MYO7B: variants seen among roughly 807,000 people sequenced by gnomAD.
The protein encoded by MYO7B is unconventional myosin-VIIb.
Under a neutral mutation model 259.7 loss-of-function variants are expected in MYO7B, and 212 were observed. The observed-to-expected ratio is 0.82, with a 90% CI of 0.73 to 0.91. MYO7B has a LOEUF of 0.91. Ranked by LOEUF, MYO7B falls within the 40% of genes least tolerant of loss-of-function variation. MYO7B has a pLI of 0.00. For synonymous variants in MYO7B, 1,197 were observed against 1,166.4 expected (o/e 1.03, Z -0.54); for missense variants, 2,732 against 2,813.5 (o/e 0.97, Z 0.66).
At position 127,633,117 on chromosome 2, in the gene MYO7B, C is replaced by A. The variant is rs546007649; in HGVS notation, c.5406-141C>A. 11 of 649,546 alleles carry A rather than the reference C, an allele frequency of 1.7e-5. No homozygotes were observed. In the East Asian group the frequency reaches 2.5e-4, roughly 15 times the overall value. The allele number at this position is 649,546 out of a possible 1,614,324, so 40.2% of individuals were successfully genotyped here. A position where few individuals can be genotyped will look rare whatever the true frequency, so the allele number is the denominator to read the frequency against. Reference sequence around the variant, plus strand: ...AGCCAGGGGCAGCCCCCAGGACATGCGAGGGGCTGGAACCACCCCAGTGAT... The same window carrying A: ...AGCCAGGGGCAGCCCCCAGGACATGAGAGGGGCTGGAACCACCCCAGTGAT... On this transcript the variant is annotated intron_variant, in intron 39 of 47. Coordinates refer to ENST00000409816, the MANE Select transcript of MYO7B (RefSeq NM_001393586.1).
chr2:127,637,367 G>A lies in MYO7B; in HGVS notation c.6379G>A (p.Ala2127Thr). 1 of 1,590,070 alleles carries A rather than the reference G, an allele frequency of 6.3e-7. No individual in the cohort carries two copies. The highest frequency in any genetic ancestry group is 8.6e-7 in the Non-Finnish European group (1 of 1,168,420). The change falls in exon 48 of 48, where the codon GCC becomes ACC. Residue 2127 changes from alanine to threonine, a missense_variant. Ala to Thr is a moderately conservative substitution (Grantham distance 58, BLOSUM62 0). Coordinates refer to ENST00000409816, the MANE Select transcript of MYO7B (RefSeq NM_001393586.1). ...LTSYVQQLLS[A>T]MNKQRGSKAP... Reference sequence around the variant, plus strand: ...CTCATATGTGCAGCAGCTCCTGAGTGCCATGAACAAGCAGCGGGGCTCCAA... The same window carrying A: ...CTCATATGTGCAGCAGCTCCTGAGTACCATGAACAAGCAGCGGGGCTCCAA...
Position 127,637,458 on chromosome 2 carries a change from C to G in MYO7B, c.*41C>G, listed in dbSNP as rs1244708848. ...TGTCTGCTCAGGCGCCCTTCCCGAC[C>G]TCTAGCCTGGCGGCACCTTCCCAGG... On this transcript the variant is annotated 3_prime_UTR_variant, in exon 48 of 48. Transcript: ENST00000409816. 7.0e-6 allele frequency: 10 copies of G among 1,422,422 alleles called. No individual in the cohort carries two copies. The South Asian group carries it at 1.5e-4, about 21-fold the overall frequency. 88.1% of individuals were successfully genotyped at this position (1,422,422 alleles called of 1,614,324 possible). A position where few individuals can be genotyped will look rare whatever the true frequency, so the allele number is the denominator to read the frequency against.
chr2:127,561,617 T>G (rs2104852651), intron 2 of MYO7B, among the ~76,000 whole-genome samples: 1 of 152,324 alleles, frequency 6.6e-6, no homozygotes, highest in South Asian at 2.1e-4. Context: ...CTGGACACTA[T>G]GCGGGGTCCC....
chr2:127,628,163 C>T lies in MYO7B; in HGVS notation c.4461-209C>T, dbSNP rs1381900910. 1 of 701,104 alleles carries T rather than the reference C, an allele frequency of 1.4e-6. No individual in the cohort carries two copies. Among genetic ancestry groups the T allele is most frequent in the East Asian group, 2.8e-5 (1 of 35,534 alleles). 43.4% of individuals were successfully genotyped at this position (701,104 alleles called of 1,614,324 possible). A position where few individuals can be genotyped will look rare whatever the true frequency, so the allele number is the denominator to read the frequency against. ...CAGCCAACCCCACACATGGGCTGCA[C>T]CACTCTCAGCCTCCGAGAGGTCCTG... On this transcript the variant is annotated intron_variant, in intron 33 of 47. Coordinates refer to ENST00000409816, the MANE Select transcript of MYO7B (RefSeq NM_001393586.1). The surrounding 1 kb of genome is among the most constrained non-coding windows in gnomAD (Gnocchi z 4.8).
chr2:127,568,332 A>G (rs924263127), intron 5 of MYO7B, among the ~76,000 whole-genome samples: 4 of 152,210 alleles, frequency 2.6e-5, no homozygotes, highest in African/African-American at 9.7e-5. Context: ...GAGCCCCCTG[A>G]TTTTGGTTCC....
At chr2:127,574,256 A>G (rs1473086882) in intron 7 of MYO7B, among the ~76,000 whole-genome samples, 194 bp downstream of exon 7, 3 of 152,182 alleles carry the variant, frequency 2.0e-5, no homozygotes, top group Non-Finnish European at 2.9e-5. Flanking sequence ...CATTTTGAGC[A>G]GGGCTTGGTG....
intron 1 of MYO7B, among the ~76,000 whole-genome samples, chr2:127,554,255 G>C (rs963688394): frequency 2.0e-5 from 3 of 151,988 alleles, no homozygotes; most frequent in African/African-American, 7.3e-5. Flanking sequence ...TGTATTTTTA[G>C]TAGAGACAGG....
chr2:127,622,570 G>A (rs894133269), intron 28 of MYO7B, among the ~76,000 whole-genome samples: 8 of 150,576 alleles, frequency 5.3e-5, no homozygotes, highest in East Asian at 2.0e-4. Flanking sequence ...CCAGGGTGGC[G>A]AGAGCACACC....
intron 28 of MYO7B, 74 bp from the exon 29 acceptor site, chr2:127,623,128 G>A (rs1345874403): frequency 3.9e-6 from 6 of 1,539,280 alleles, no homozygotes; most frequent in Non-Finnish European, 5.3e-6. Context: ...AGAGGAGGGA[G>A]GTAGTGGATG....
intron 1 of MYO7B, among the ~76,000 whole-genome samples, chr2:127,544,021 T>G (rs970712826): frequency 4.6e-5 from 7 of 152,134 alleles, no homozygotes; most frequent in Admixed American, 2.0e-4. Context: ...TCTGCCTGCC[T>G]CGGCCTCCCA....
chr2:127,571,442 G>GTTTTTTTTTTGTTTTTTTTTTT lies in MYO7B; in HGVS notation c.592+1542_592+1543insGTTTTTTTTTTTTTTTTTTTTT, dbSNP rs1553448471. 1.3e-3 allele frequency among the ~76,000 whole-genome samples: 56 copies of GTTTTTTTTTTGTTTTTTTTTTT among 41,950 alleles called. 2 individuals carry two copies. The highest frequency in any genetic ancestry group is 1.6e-3 in the Non-Finnish European group (34 of 21,890). 27.5% of individuals were successfully genotyped at this position (41,950 alleles called of 152,430 possible). ...AATTGGTCTATTTCCTTACCAGTGA[G>GTTTTTTTTTTGTTTTTTTTTTT]TTTTTTTTTTTTTTTTTGCTTGTTT... is the stretch of plus-strand genomic sequence containing the variant. On this transcript the variant is annotated intron_variant, in intron 6 of 47. Transcript: ENST00000409816.
At chr2:127,555,860 A>T (rs1194702373) in intron 1 of MYO7B, among the ~76,000 whole-genome samples, 1 of 152,222 alleles carries the variant, frequency 6.6e-6, no homozygotes, top group Admixed American at 6.5e-5. Flanking sequence ...GAGGAATAGA[A>T]TGTACATTCT....
Position 127,625,484 on chromosome 2 carries a change from G to T in MYO7B, c.4164G>T (p.Arg1388Ser). The T allele has an allele frequency of 6.2e-7, 1 of 1,611,662 alleles. No homozygotes were observed. Among genetic ancestry groups the T allele is most frequent in the South Asian group, 1.1e-5 (1 of 90,988 alleles). Residue 1388 changes from arginine to serine, a missense_variant, in exon 31 of 48, where the codon AGG becomes AGT. By Grantham distance (110) the Arg-to-Ser change is moderately radical. Coordinates refer to ENST00000409816, the MANE Select transcript of MYO7B (RefSeq NM_001393586.1). Reference protein sequence around the residue: ...LPSCIPHKLYRTKPPDRWASL... With the variant: ...LPSCIPHKLYSTKPPDRWASL... ...GCTGCATCCCCCACAAGCTGTACAG[G>T]ACCAAGCCCCCAGACAGGTGGGCGA... is the stretch of plus-strand genomic sequence containing the variant.
At chr2:127,578,905 A>G (rs1274550458) in intron 9 of MYO7B, among the ~76,000 whole-genome samples, 1 of 152,204 alleles carries the variant, frequency 6.6e-6, no homozygotes, top group Non-Finnish European at 1.5e-5. Context: ...TTTGCTCAAG[A>G]AAAGAAGCAG....
intron 26 of MYO7B, among the ~76,000 whole-genome samples, chr2:127,618,175 A>G (rs1461051065): frequency 6.6e-6 from 1 of 152,132 alleles, no homozygotes; most frequent in African/African-American, 2.4e-5. Flanking sequence ...ACTTGCAGCA[A>G]TTTGCCACTG....
chr2:127,560,735 A>T (rs1389084714), intron 2 of MYO7B, among the ~76,000 whole-genome samples: 2 of 152,172 alleles, frequency 1.3e-5, no homozygotes, highest in Admixed American at 1.3e-4. Flanking sequence ...TACAGAGTCC[A>T]GGAGAGCAGG....
At position 127,624,249 on chromosome 2, in the gene MYO7B, C is replaced by T; in HGVS notation, c.3976C>T (p.Pro1326Ser). The T allele has an allele frequency of 1.9e-6, 3 of 1,595,978 alleles. No homozygotes were observed. Among genetic ancestry groups the T allele is most frequent in the Non-Finnish European group, 2.6e-6 (3 of 1,172,074 alleles). The change falls in exon 30 of 48, where the codon CCT becomes TCT. Residue 1326 changes from proline to serine, a missense_variant. Coordinates refer to ENST00000409816, the MANE Select transcript of MYO7B (RefSeq NM_001393586.1). The part of the protein sequence containing the change: ...FTPWHDSRED[P>S]VSTELIYRQV... Reference sequence around the variant, plus strand: ...CCCCTGGCACGACTCCCGGGAGGACCCTGTCAGCACCGAGCTTATTTACCG... The same window carrying T: ...CCCCTGGCACGACTCCCGGGAGGACTCTGTCAGCACCGAGCTTATTTACCG...
At chr2:127,601,599 A>G (rs755496179) in intron 19 of MYO7B, among the ~76,000 whole-genome samples, 3 of 152,054 alleles carry the variant, frequency 2.0e-5, no homozygotes, top group Non-Finnish European at 2.9e-5. Context: ...AGTCTACTTT[A>G]TCTGGTATTA....
rs1290469787 is a variant in MYO7B, at chr2:127,559,741, G to T, written c.18+1G>T. The T allele has an allele frequency of 1.9e-6, 3 of 1,613,960 alleles. No homozygotes were observed. Among genetic ancestry groups the T allele is most frequent in the Non-Finnish European group, 2.5e-6 (3 of 1,179,864 alleles). On this transcript the variant is annotated splice_donor_variant, in intron 2 of 47. Transcript: ENST00000409816. LOFTEE classifies it high-confidence loss of function. This position sits in a 1 kb window ranked among gnomAD's most constrained non-coding sequence, Gnocchi z 4.1. ...ACTCAGGATGTCGGGGTTCAGGCTG[G>T]TAAGAATTGTATGATTTGATCTAGG...
Sources: allele counts gnomAD v4.1 joint callset (sites outside exome capture counted in the v4.1 genomes callset), GRCh38; gene constraint gnomAD v4.1.1; non-coding constraint Gnocchi (gnomAD v3.1); transcripts MANE v1.5; gene names NCBI Gene and HGNC (gene_info 2026-07-23, HGNC 2026-07-21).